The following ZNF577 variants were observed in gnomAD, a reference collection of about 807,000 sequenced individuals.
ZNF577 encodes zinc finger protein 577.
In ZNF577, 14 loss-of-function variants were observed where a neutral mutation model predicts 13.9. The ratio of observed to expected loss-of-function variants is 1.00; its 90% confidence interval spans 0.66 to 1.57. The LOEUF (loss-of-function observed/expected upper bound fraction) is 1.57, where lower values mean the gene tolerates loss of function less well. ZNF577 is among the 40% of genes most tolerant of loss of function. ZNF577 has a pLI of 0.00. For synonymous variants in ZNF577, 203 were observed against 202.9 expected, an observed-to-expected ratio of 1.00 and a Z score of 0.00; for missense variants, 555 against 579.2, an observed-to-expected ratio of 0.96 and a Z score of 0.43.
chr19:51,814,092 G>A (rs1210506298), intron 9 of ZNF577, among the ~76,000 whole-genome samples: 2 of 152,058 alleles, frequency 1.3e-5, no homozygotes, highest in Non-Finnish European at 2.9e-5. Context: ...TTCCTTCTTG[G>A]TTTATGTGCT....
At chr19:51,842,440 T>C (rs1398718296) in intron 8 of ZNF577, among the ~76,000 whole-genome samples, 2 of 152,106 alleles carry the variant, frequency 1.3e-5, no homozygotes, top group African/African-American at 2.4e-5. Context: ...TCTCCTGCCA[T>C]ATGAGAACCC....
intron 5 of ZNF577, among the ~76,000 whole-genome samples, chr19:51,852,615 A>G (rs1362693013): frequency 6.6e-6 from 1 of 152,192 alleles, no homozygotes; most frequent in Non-Finnish European, 1.5e-5. Flanking sequence ...GAGGTAAGCT[A>G]GAGAAGTGAA....
intron 5 of ZNF577, among the ~76,000 whole-genome samples, chr19:51,858,750 T>C (rs1457730812): frequency 6.6e-6 from 1 of 152,174 alleles, no homozygotes; most frequent in African/African-American, 2.4e-5. Context: ...TTATAGAAGA[T>C]TCAGTCAAGT....
At chr19:51,880,533 G>C in intron 2 of ZNF577, 132 bp from the exon 3 acceptor site, 1 of 752,090 alleles carries the variant, frequency 1.3e-6, no homozygotes, top group African/African-American at 1.8e-5. Context: ...TAATTTGCCA[G>C]GATTTTAAGA....
intron 8 of ZNF577, among the ~76,000 whole-genome samples, chr19:51,841,134 AT>A (rs1229895756): frequency 3.3e-5 from 5 of 152,186 alleles, no homozygotes; most frequent in African/African-American, 1.2e-4. Flanking sequence ...CCTGCCTCTT[AT>A]CATATTCTGC....
rs200339914 is a variant in ZNF577 at position 51,824,688 on chromosome 19, A to G, written c.*600-13014T>C. 13 of 1,614,100 alleles carry G rather than the reference A, an allele frequency of 8.1e-6. No homozygotes were observed. In the Admixed American group the frequency reaches 8.3e-5, roughly 10 times the overall value. On this transcript the variant is annotated intron_variant and NMD_transcript_variant, in intron 9 of 10. Transcript: ENST00000638827. This position sits in a 1 kb window ranked among gnomAD's most constrained non-coding sequence, Gnocchi z 4.7. ...GGGTCGTAACTTCCAAGAAAGACTG[A>G]TTCGCTCTTTGCCCACTAGTTTGGA...
chr19:51,884,475 C>A (rs1039886498), intron 1 of ZNF577, among the ~76,000 whole-genome samples: 1 of 152,000 alleles, frequency 6.6e-6, no homozygotes, highest in African/African-American at 2.4e-5. Context: ...AAATATTATA[C>A]TCAATTTCCA....
At position 51,875,795 on chromosome 19, in the gene ZNF577, G is replaced by A. The variant is rs561222856; in HGVS notation, c.283+1487C>T. Among the ~76,000 whole-genome samples, 79 of 152,326 alleles carry A rather than the reference G, an allele frequency of 5.2e-4. 1 individual carries two copies. The South Asian group carries it at 0.015, about 29-fold the overall frequency. On this transcript the variant is annotated intron_variant, in intron 5 of 5. Transcript: ENST00000638348. ...GCCATCACATCAAATGGAACTCACA[G>A]AAAAAGAGAAGTCAGTCAAACGTGC...
Position 51,824,733 on chromosome 19 carries a change from C to G in ZNF577, c.*600-13059G>C. ...TTTGGAGAGGGCCCTGACTGAGGTCCCTGACTCAGCCCAGACCAGCAACAC... is the reference window on the plus strand; with the variant it reads ...TTTGGAGAGGGCCCTGACTGAGGTCGCTGACTCAGCCCAGACCAGCAACAC... On this transcript the variant is annotated intron_variant and NMD_transcript_variant, in intron 9 of 10. Transcript: ENST00000638827. This position sits in a 1 kb window ranked among gnomAD's most constrained non-coding sequence, Gnocchi z 4.7. 6.2e-7 allele frequency: 1 copy of G among 1,614,032 alleles called. No individual in the cohort carries two copies. The highest frequency in any genetic ancestry group is 8.5e-7 in the Non-Finnish European group (1 of 1,179,984).
chr19:51,833,408 T>C (rs1380783552), intron 9 of ZNF577, among the ~76,000 whole-genome samples: 1 of 151,546 alleles, frequency 6.6e-6, no homozygotes, highest in East Asian at 1.9e-4. Flanking sequence ...ATCTGGTCTC[T>C]CTTATGCCAT....
At chr19:51,835,754 A>T (rs2084284436) in intron 9 of ZNF577, among the ~76,000 whole-genome samples, 1 of 152,052 alleles carries the variant, frequency 6.6e-6, no homozygotes, top group Non-Finnish European at 1.5e-5. Context: ...GTGCAATGGC[A>T]CGATCTCGGC....
At chr19:51,839,916 A>G (rs577699334) in exon 9 of ZNF577, 7 of 152,328 alleles carry the variant, frequency 4.6e-5, no homozygotes, top group African/African-American at 1.7e-4. Flanking sequence ...TCGCACAAAC[A>G]TTCGCTTGAG....
intron 8 of ZNF577, among the ~76,000 whole-genome samples, chr19:51,841,175 C>T (rs1452283026): frequency 3.3e-5 from 5 of 152,282 alleles, no homozygotes; most frequent in East Asian, 1.9e-4. Context: ...CACCACTTTC[C>T]GCGGGAATCG....
chr19:51,812,131 T>A (rs962116322), intron 9 of ZNF577, among the ~76,000 whole-genome samples: 1 of 152,202 alleles, frequency 6.6e-6, no homozygotes, highest in Non-Finnish European at 1.5e-5. Flanking sequence ...GAGGTAGACA[T>A]AATAAATAAT....
intron 5 of ZNF577, among the ~76,000 whole-genome samples, chr19:51,852,098 T>G (rs1254328226): frequency 6.6e-6 from 1 of 152,228 alleles, no homozygotes; most frequent in African/African-American, 2.4e-5. Flanking sequence ...CTGGCTGTCC[T>G]GCCTCTAGGG....
intron 9 of ZNF577, among the ~76,000 whole-genome samples, chr19:51,827,387 G>A (rs2084237647): frequency 6.6e-6 from 1 of 152,156 alleles, no homozygotes; most frequent in East Asian, 1.9e-4. Context: ...TAACTGTATG[G>A]TACTTGATAT....
intron 10 of ZNF577, among the ~76,000 whole-genome samples, chr19:51,810,590 C>G (rs1321909656): frequency 1.3e-5 from 2 of 152,184 alleles, no homozygotes; most frequent in African/African-American, 4.8e-5. Context: ...TGTAATGTCT[C>G]CGTGTCCAGC....
chr19:51,856,479 G>GT (rs2084421924), intron 5 of ZNF577, among the ~76,000 whole-genome samples: 1 of 152,174 alleles, frequency 6.6e-6, no homozygotes, highest in African/African-American at 2.4e-5. Context: ...CTAACAGACA[G>GT]TTTTGTGTTT....
At chr19:51,840,338 C>G (rs7252062) in intron 8 of ZNF577, among the ~76,000 whole-genome samples, 11,042 of 152,122 alleles carry the variant, frequency 0.073, 1,181 homozygotes, top group African/African-American at 0.24. Context: ...AGGTAAGGCG[C>G]AGCCATATTT....
Sources: allele counts gnomAD v4.1 joint callset (sites outside exome capture counted in the v4.1 genomes callset), GRCh38; gene constraint gnomAD v4.1.1; non-coding constraint Gnocchi (gnomAD v3.1); transcripts MANE v1.5; gene names NCBI Gene and HGNC (gene_info 2026-07-23, HGNC 2026-07-21).